PARN: variants seen among roughly 807,000 people sequenced by gnomAD.
PARN encodes the protein poly(A)-specific ribonuclease PARN.
In PARN, 71 loss-of-function variants were observed where a neutral mutation model predicts 102.8. That is an observed-to-expected ratio of 0.69 (90% confidence interval 0.57 to 0.84). The LOEUF (loss-of-function observed/expected upper bound fraction) is 0.84, where lower values mean the gene tolerates loss of function less well. PARN is among the 40% of genes least tolerant of loss of function. The pLI is 0.00. For synonymous variants in PARN, 261 were observed against 252.9 expected (o/e 1.03, Z -0.30); for missense variants, 782 against 760.9 (o/e 1.03, Z -0.33).
chr16:14,571,116 G>A (rs1158972811), intron 18 of PARN, among the ~76,000 whole-genome samples: 1 of 152,120 alleles, frequency 6.6e-6, no homozygotes, highest in Non-Finnish European at 1.5e-5. Context: ...AGGCGCGGTG[G>A]CTCATGCCTG....
chr16:14,599,477 T>C (rs1970748045), intron 12 of PARN, among the ~76,000 whole-genome samples: 1 of 152,252 alleles, frequency 6.6e-6, no homozygotes, highest in African/African-American at 2.4e-5. Flanking sequence ...AAGATTCAAT[T>C]ACACTTATGT....
intron 22 of PARN, among the ~76,000 whole-genome samples, chr16:14,457,760 T>G (rs1381619608): frequency 7.3e-6 from 1 of 137,130 alleles, no homozygotes; most frequent in Non-Finnish European, 1.5e-5. Context: ...ATCGCACCAT[T>G]GTACTCCAGC....
chr16:14,501,447 A>AAAAAAAAAAAAAAAAAAAAAAAAAAAAG (rs1964600150), intron 21 of PARN: 1 of 126,018 alleles, frequency 7.9e-6, no homozygotes, highest in Admixed American at 7.7e-5. Flanking sequence ...AAAAAAAAAA[A>AAAAAAAAAAAAAAAAAAAAAAAAAAAAG]AAAAAAAAAA....
chr16:14,545,171 C>A lies in PARN; in HGVS notation c.1480+6850G>T, dbSNP rs1966875021. On this transcript the variant is annotated intron_variant, in intron 21 of 23. Coordinates refer to ENST00000437198, the MANE Select transcript of PARN (RefSeq NM_002582.4). ...CTCTGGCCTGGGTGACAGAGCCAGA[C>A]TCTGTCTCAAAGAAAAACATCAAAA... Among the ~76,000 whole-genome samples, 4 of 152,164 alleles carry A rather than the reference C, an allele frequency of 2.6e-5. No homozygotes were observed. The South Asian group carries it at 8.3e-4, about 31-fold the overall frequency.
At chr16:14,439,247 C>T (rs1166997139) in intron 23 of PARN, among the ~76,000 whole-genome samples, 1 of 151,904 alleles carries the variant, frequency 6.6e-6, no homozygotes, top group East Asian at 1.9e-4. Context: ...TGGCACACAC[C>T]TGTGGTCCCA....
chr16:14,459,826 T>C (rs1961864881), intron 22 of PARN, among the ~76,000 whole-genome samples: 1 of 152,194 alleles, frequency 6.6e-6, no homozygotes, highest in African/African-American at 2.4e-5. Flanking sequence ...AATAGAATAG[T>C]GTCCAGAAAT....
chr16:14,476,863 T>A (rs529175402), intron 22 of PARN, among the ~76,000 whole-genome samples: 1 of 151,916 alleles, frequency 6.6e-6, no homozygotes, highest in South Asian at 2.1e-4. Context: ...ATAGAGAAGA[T>A]AAAACAGGAT....
At chr16:14,501,064 T>C (rs1964559160) in intron 21 of PARN, among the ~76,000 whole-genome samples, 1 of 152,036 alleles carries the variant, frequency 6.6e-6, no homozygotes, top group African/African-American at 2.4e-5. Flanking sequence ...AAAGACCATC[T>C]GTTCAGTAAC....
intron 23 of PARN, among the ~76,000 whole-genome samples, chr16:14,440,412 A>T (rs1225130485): frequency 6.6e-6 from 1 of 152,222 alleles, no homozygotes; most frequent in Admixed American, 6.5e-5. Flanking sequence ...GGGAAATCCA[A>T]AATGGTGACG....
rs760900593 is a variant in PARN at position 14,554,155 on chromosome 16, C to T, written c.1319-4G>A. 1 of 1,600,250 alleles carries T rather than the reference C, an allele frequency of 6.2e-7. No homozygotes were observed. Among genetic ancestry groups the T allele is most frequent in the African/African-American group, 1.3e-5 (1 of 74,594 alleles). ...ACATGATCACGTTTAGGCTGCACTA[C>T]AAGACAAATTTATGATGAAATATTG... On this transcript the variant is annotated splice_polypyrimidine_tract_variant and splice_region_variant and intron_variant, in intron 19 of 23. Transcript: ENST00000437198.
intron 6 of PARN, among the ~76,000 whole-genome samples, chr16:14,614,846 C>CAAAAAAAAGAAAA (rs1971777904): frequency 2.7e-5 from 1 of 37,656 alleles, no homozygotes; most frequent in Non-Finnish European, 4.3e-5. Context: ...GAAACTGTCT[C>CAAAAAAAAGAAAA]AAAAAAAAAA....
chr16:14,587,339 C>T (rs900938967), intron 13 of PARN, among the ~76,000 whole-genome samples: 1 of 152,198 alleles, frequency 6.6e-6, no homozygotes, highest in Non-Finnish European at 1.5e-5. Flanking sequence ...CGGCCACCTC[C>T]AGGGCCAACA....
At chr16:14,492,438 C>T (rs567034913) in intron 21 of PARN, among the ~76,000 whole-genome samples, 6 of 152,156 alleles carry the variant, frequency 3.9e-5, no homozygotes, top group African/African-American at 7.2e-5. Flanking sequence ...CAGATCCCAC[C>T]GCCTGGACCC....
At position 14,542,430 on chromosome 16, in the gene PARN, C is replaced by T. The variant is rs1966847358; in HGVS notation, c.1480+9591G>A. On this transcript the variant is annotated intron_variant, in intron 21 of 23. Coordinates refer to ENST00000437198, the MANE Select transcript of PARN (RefSeq NM_002582.4). Reference sequence around the variant, plus strand: ...TCAAACTGGGCTCAAGCAATCCTTCCACCATAGCCTCCCTAGTAGCTGGGA... The same window carrying T: ...TCAAACTGGGCTCAAGCAATCCTTCTACCATAGCCTCCCTAGTAGCTGGGA... 1.3e-5 allele frequency among the ~76,000 whole-genome samples: 2 copies of T among 151,778 alleles called. 1 individual carries two copies. Among genetic ancestry groups the T allele is most frequent in the African/African-American group, 4.8e-5 (2 of 41,308 alleles).
chr16:14,586,385 T>C, intron 13 of PARN, 24 bp from the exon 14 acceptor site: 1 of 1,449,698 alleles, frequency 6.9e-7, no homozygotes, highest in Non-Finnish European at 9.5e-7. Flanking sequence ...GAAGGACTTG[T>C]TACAATTTTC....
chr16:14,582,329 G>A, intron 16 of PARN, 38 bp from the exon 17 acceptor site: 1 of 1,358,500 alleles, frequency 7.4e-7, no homozygotes, highest in Non-Finnish European at 1.1e-6. Flanking sequence ...TCAAAACAAA[G>A]ACTAGTAAGC....
chr16:14,476,756 C>T (rs901442867), intron 22 of PARN, among the ~76,000 whole-genome samples: 2 of 152,072 alleles, frequency 1.3e-5, no homozygotes, highest in African/African-American at 4.8e-5. Flanking sequence ...ATGTGAGCCA[C>T]GTGGGCCGGA....
chr16:14,487,280 T>C (rs1596495449), intron 21 of PARN, among the ~76,000 whole-genome samples: 1 of 152,272 alleles, frequency 6.6e-6, no homozygotes, highest in African/African-American at 2.4e-5. Flanking sequence ...GTGGCATTTA[T>C]ATATACATTT....
intron 21 of PARN, among the ~76,000 whole-genome samples, chr16:14,510,745 G>A (rs1567334731): frequency 6.6e-6 from 1 of 152,180 alleles, no homozygotes; most frequent in Non-Finnish European, 1.5e-5. Context: ...ATGAGGCCCA[G>A]GACAGAAGTC....
Sources: gnomAD v4.1 joint callset for allele counts (sites outside exome capture counted in the v4.1 genomes callset) on GRCh38, gnomAD v4.1.1 for gene constraint, MANE v1.5 for transcripts, NCBI Gene and HGNC (gene_info 2026-07-23, HGNC 2026-07-21) for gene names.